The following ARHGAP44 variants were observed in gnomAD, a reference collection of about 807,000 sequenced individuals.
ARHGAP44 encodes rho GTPase-activating protein 44.
ARHGAP44 carries 43 observed loss-of-function variants against 106.8 expected under a neutral mutation model. That is an observed-to-expected ratio of 0.40 (90% CI 0.32 to 0.52). The LOEUF (loss-of-function observed/expected upper bound fraction) is 0.52. Ranked by LOEUF, ARHGAP44 falls within the 20% of genes least tolerant of loss-of-function variation. The pLI, the probability that ARHGAP44 is intolerant of heterozygous loss-of-function variation, is 0.48. For missense variants in ARHGAP44, 866 were observed against 1,050.5 expected (o/e 0.82, Z 2.43); for synonymous variants, 439 against 410.3 (o/e 1.07, Z -0.85).
At chr17:12,921,833 A>T (rs2038094494) in intron 6 of ARHGAP44, among the ~76,000 whole-genome samples, 2 of 152,178 alleles carry the variant, frequency 1.3e-5, no homozygotes, top group South Asian at 4.1e-4. Flanking sequence ...CAAGTGCTTT[A>T]TAAAAAGAAG....
At chr17:12,823,209 G>T (rs867802450) in intron 1 of ARHGAP44, among the ~76,000 whole-genome samples, 2 of 151,948 alleles carry the variant, frequency 1.3e-5, no homozygotes, top group South Asian at 2.1e-4. Context: ...AATACTTCCC[G>T]TGATGTTTCT....
At chr17:12,884,054 G>GT (rs1020655084) in intron 1 of ARHGAP44, among the ~76,000 whole-genome samples, 1 of 151,712 alleles carries the variant, frequency 6.6e-6, no homozygotes, top group Non-Finnish European at 1.5e-5. Context: ...CTTTCATAAT[G>GT]TTTTTTTTCT....
chr17:12,966,514 T>C (rs2039395466), intron 16 of ARHGAP44, among the ~76,000 whole-genome samples: 3 of 152,234 alleles, frequency 2.0e-5, no homozygotes, highest in Admixed American at 2.0e-4. Context: ...AATTCAGGCC[T>C]CACTGGGTGT....
intron 7 of ARHGAP44, 97 bp from the exon 8 acceptor site, chr17:12,940,959 T>C: frequency 1.0e-6 from 1 of 966,292 alleles, no homozygotes; most frequent in African/African-American, 1.6e-5. Context: ...GATTAAGCAG[T>C]GTTTAAGGCT....
chr17:12,807,851 C>A (rs144665527), intron 1 of ARHGAP44, among the ~76,000 whole-genome samples: 16,134 of 152,198 alleles, frequency 0.11, 1,098 homozygotes, highest in East Asian at 0.25. Flanking sequence ...AGTCCACAGT[C>A]TAAAGTCTCA....
At chr17:12,836,074 A>G (rs1234198535) in intron 1 of ARHGAP44, among the ~76,000 whole-genome samples, 1 of 152,062 alleles carries the variant, frequency 6.6e-6, no homozygotes, top group Non-Finnish European at 1.5e-5. Context: ...TCTTTTGTCT[A>G]TTGTGAATAA....
chr17:12,853,596 G>A (rs1444226961), intron 1 of ARHGAP44, among the ~76,000 whole-genome samples: 1 of 152,176 alleles, frequency 6.6e-6, no homozygotes, highest in East Asian at 1.9e-4. Context: ...CAGGAGCGAG[G>A]CGTCCTATCA....
intron 18 of ARHGAP44, 98 bp downstream of exon 18, chr17:12,974,408 A>G (rs944560003): frequency 6.8e-6 from 7 of 1,026,410 alleles, no homozygotes; most frequent in Non-Finnish European, 7.8e-6. Context: ...GTCGTTTCCC[A>G]TGCCCCCGCC....
intron 1 of ARHGAP44, among the ~76,000 whole-genome samples, chr17:12,874,280 G>T (rs1199273408): frequency 2.0e-5 from 3 of 152,192 alleles, no homozygotes; most frequent in Admixed American, 6.5e-5. Context: ...CTGAAGACCG[G>T]GTCACATGGG....
intron 18 of ARHGAP44, 99 bp downstream of exon 18, chr17:12,974,409 TG>T: frequency 9.9e-7 from 1 of 1,011,464 alleles, no homozygotes; most frequent in Non-Finnish European, 1.3e-6. Context: ...TCGTTTCCCA[TG>T]CCCCCGCCCC....
chr17:12,939,509 A>G (rs927163776), intron 7 of ARHGAP44, among the ~76,000 whole-genome samples: 1 of 151,968 alleles, frequency 6.6e-6, no homozygotes, highest in Non-Finnish European at 1.5e-5. Context: ...TCTGTTGCCC[A>G]GGCTGGAGTG....
intron 6 of ARHGAP44, among the ~76,000 whole-genome samples, chr17:12,920,171 C>T (rs1446557872): frequency 3.9e-5 from 6 of 151,960 alleles, no homozygotes; most frequent in African/African-American, 7.3e-5. Context: ...GTCAAGAGAT[C>T]GAGACCATCC....
intron 1 of ARHGAP44, among the ~76,000 whole-genome samples, chr17:12,851,078 G>A (rs2035725736): frequency 6.6e-6 from 1 of 152,180 alleles, no homozygotes. Flanking sequence ...GTGGTTCTGT[G>A]CTCCTCAAGC....
chr17:12,983,761 G>A (rs536462306), intron 19 of ARHGAP44, among the ~76,000 whole-genome samples: 2 of 152,138 alleles, frequency 1.3e-5, no homozygotes, highest in South Asian at 2.1e-4. Flanking sequence ...CGGCGATCGC[G>A]CCATTGCACT....
At chr17:12,887,583 A>G (rs68130139) in intron 1 of ARHGAP44, among the ~76,000 whole-genome samples, 29,841 of 152,108 alleles carry the variant, frequency 0.2, 3,692 homozygotes, top group East Asian at 0.44. Flanking sequence ...CCATATTCAT[A>G]GAGGAATATT....
chr17:12,887,638 A>G (rs2036920849), intron 1 of ARHGAP44, among the ~76,000 whole-genome samples: 1 of 151,408 alleles, frequency 6.6e-6, no homozygotes, highest in Non-Finnish European at 1.5e-5. Flanking sequence ...TCAAAGTAGT[A>G]TTAGATTCAT....
chr17:12,983,567 G>A (rs1367856800), intron 19 of ARHGAP44, among the ~76,000 whole-genome samples: 1 of 152,210 alleles, frequency 6.6e-6, no homozygotes, highest in African/African-American at 2.4e-5. Context: ...CACTTTGGGA[G>A]GCCGAGGCGG....
At chr17:12,821,721 C>A (rs764754535) in intron 1 of ARHGAP44, among the ~76,000 whole-genome samples, 1 of 152,070 alleles carries the variant, frequency 6.6e-6, no homozygotes. Context: ...GGAAGCAGAG[C>A]GTTATGTTCC....
At chr17:12,973,864 G>T in intron 17 of ARHGAP44, 1 of 586,526 alleles carries the variant, frequency 1.7e-6, no homozygotes, top group Non-Finnish European at 3.0e-6. Flanking sequence ...CCTCAGTGAG[G>T]GGGCCGCTCT....
Sources: gnomAD v4.1 joint callset for allele counts (sites outside exome capture counted in the v4.1 genomes callset) on GRCh38, gnomAD v4.1.1 for gene constraint, MANE v1.5 for transcripts, NCBI Gene and HGNC (gene_info 2026-07-23, HGNC 2026-07-21) for gene names.